COL14A1: variants seen among roughly 807,000 people sequenced by gnomAD.
COL14A1 encodes collagen type XIV alpha 1 chain.
COL14A1 carries 136 observed loss-of-function variants against 230.3 expected under a neutral mutation model. The observed-to-expected ratio is 0.59, with a 90% confidence interval of 0.51 to 0.68. The LOEUF (loss-of-function observed/expected upper bound fraction) is 0.68. Ranked by LOEUF, COL14A1 falls within the 30% of genes least tolerant of loss-of-function variation. The probability of loss-of-function intolerance (pLI) is 0.00; values close to 1 mark genes in which losing one functional copy is unlikely to be tolerated. For missense variants in COL14A1, 1,976 were observed against 2,215.8 expected (o/e 0.89, Z 2.17); for synonymous variants, 792 against 784.1 (o/e 1.01, Z -0.17).
At chr8:120,229,721 C>T (rs1818209699) in intron 18 of COL14A1, among the ~76,000 whole-genome samples, 2 of 152,148 alleles carry the variant, frequency 1.3e-5, no homozygotes, top group African/African-American at 2.4e-5. Flanking sequence ...AGTTTACAGT[C>T]CCACCAACAG....
intron 40 of COL14A1, among the ~76,000 whole-genome samples, chr8:120,323,186 T>TC (rs1821519752): frequency 6.6e-6 from 1 of 152,226 alleles, no homozygotes; most frequent in Non-Finnish European, 1.5e-5. Flanking sequence ...AGCTTTTTTT[T>TC]CATATGTTTG....
chr8:120,126,185 TC>T (rs1304474018), intron 1 of COL14A1, among the ~76,000 whole-genome samples: 1 of 152,214 alleles, frequency 6.6e-6, no homozygotes, highest in Non-Finnish European at 1.5e-5. Context: ...CGGATAGGCA[TC>T]CGGGGCAGCT....
At chr8:120,339,939 G>A (rs1055277940) in intron 42 of COL14A1, among the ~76,000 whole-genome samples, 1 of 151,576 alleles carries the variant, frequency 6.6e-6, no homozygotes, top group Non-Finnish European at 1.5e-5. Context: ...TCAGGAGGCT[G>A]AGGCAGGAGA....
At chr8:120,255,866 T>G (rs189925833) in intron 23 of COL14A1, among the ~76,000 whole-genome samples, 107 of 152,154 alleles carry the variant, frequency 7.0e-4, no homozygotes, top group African/African-American at 2.3e-3. Flanking sequence ...CATGAACAAG[T>G]TCTTCAGCAT....
intron 14 of COL14A1, among the ~76,000 whole-genome samples, chr8:120,220,523 C>T (rs79137215): frequency 0.1 from 15,652 of 152,042 alleles, 1,564 homozygotes; most frequent in East Asian, 0.46. Context: ...CTGCCCACCT[C>T]GGCCTCCAAA....
At chr8:120,184,304 G>A (rs1816576825) in intron 5 of COL14A1, among the ~76,000 whole-genome samples, 1 of 151,210 alleles carries the variant, frequency 6.6e-6, no homozygotes, top group African/African-American at 2.4e-5. Flanking sequence ...GCCCAGGCTG[G>A]AGTGCAGTGG....
At chr8:120,320,428 A>C (rs1586860694) in intron 40 of COL14A1, among the ~76,000 whole-genome samples, 1 of 152,176 alleles carries the variant, frequency 6.6e-6, no homozygotes, top group African/African-American at 2.4e-5. Context: ...CACCAGAAGC[A>C]TGCTTCTAGA....
intron 19 of COL14A1, among the ~76,000 whole-genome samples, chr8:120,239,092 A>G (rs1818540258): frequency 6.6e-6 from 1 of 152,166 alleles, no homozygotes; most frequent in South Asian, 2.1e-4. Flanking sequence ...ATACACTCTT[A>G]ATTGTGGCCT....
intron 19 of COL14A1, among the ~76,000 whole-genome samples, chr8:120,238,067 A>G (rs1332482745): frequency 6.6e-6 from 1 of 152,264 alleles, no homozygotes; most frequent in South Asian, 2.1e-4. Flanking sequence ...GTGTCTCCCC[A>G]TCAGGAGGCA....
At chr8:120,328,046 G>A (rs912419314) in intron 40 of COL14A1, among the ~76,000 whole-genome samples, 3 of 152,172 alleles carry the variant, frequency 2.0e-5, no homozygotes, top group African/African-American at 7.2e-5. Flanking sequence ...TTACAGGCAT[G>A]AGCCACTGCA....
At chr8:120,355,137 C>T (rs1027800374) in intron 45 of COL14A1, among the ~76,000 whole-genome samples, 15 of 152,156 alleles carry the variant, frequency 9.9e-5, no homozygotes, top group African/African-American at 2.4e-4. Flanking sequence ...GCTTTTCTGA[C>T]GTCAACTCAC....
intron 22 of COL14A1, 98 bp from the exon 23 acceptor site, chr8:120,255,142 A>G: frequency 1.2e-6 from 1 of 856,692 alleles, no homozygotes; most frequent in South Asian, 1.4e-5. Flanking sequence ...CTGACTATGC[A>G]GCTTTGAATG....
chr8:120,216,478 T>A lies in COL14A1; in HGVS notation c.1725T>A (p.Thr575=), dbSNP rs1296108766. Residue 575 remains threonine, a synonymous_variant, in exon 14 of 48, where the codon ACT becomes ACA. Coordinates refer to ENST00000297848, the MANE Select transcript of COL14A1 (RefSeq NM_021110.4). ...YRIVYNNADG[T]EINEVEVDPI... is the part of the protein sequence containing the mutation. Reference sequence around the variant, plus strand: ...TTGTATATAACAATGCAGATGGGACTGAAATCAATGAGGTAAGTTCCGGGA... The same window carrying A: ...TTGTATATAACAATGCAGATGGGACAGAAATCAATGAGGTAAGTTCCGGGA... The A allele has an allele frequency of 6.2e-7, 1 of 1,607,552 alleles. No homozygotes were observed. The highest frequency in any genetic ancestry group is 8.5e-7 in the Non-Finnish European group (1 of 1,178,418).
At chr8:120,325,161 A>G (rs1291668620) in intron 40 of COL14A1, among the ~76,000 whole-genome samples, 1 of 152,232 alleles carries the variant, frequency 6.6e-6, no homozygotes, top group East Asian at 1.9e-4. Flanking sequence ...CTGATAAATC[A>G]TAGCCAACCA....
At position 120,298,689 on chromosome 8, in the gene COL14A1, G is replaced by A. The variant is rs1302494557; in HGVS notation, c.4314+1101G>A. On this transcript the variant is annotated intron_variant, in intron 35 of 47. Transcript: ENST00000297848. Reference sequence around the variant, plus strand: ...GATCCTAGGACAAGTAAGCTGGCACGGACAACCATGTCATGGTTGGGCAGT... The same window carrying A: ...GATCCTAGGACAAGTAAGCTGGCACAGACAACCATGTCATGGTTGGGCAGT... 7.4e-5 allele frequency among the ~76,000 whole-genome samples: 10 copies of A among 134,630 alleles called. No homozygotes were observed. The East Asian group carries it at 1.4e-3, about 19-fold the overall frequency. 88.3% of individuals were successfully genotyped at this position (134,630 alleles called of 152,430 possible). A position where few individuals can be genotyped will look rare whatever the true frequency, so the allele number is the denominator to read the frequency against.
At chr8:120,289,354 G>A (rs907669329) in intron 33 of COL14A1, among the ~76,000 whole-genome samples, 7 of 152,168 alleles carry the variant, frequency 4.6e-5, no homozygotes, top group Non-Finnish European at 8.8e-5. Flanking sequence ...GAGTTAGGCC[G>A]GACTTTAAAA....
rs775586506 is a variant in COL14A1 at position 120,227,368 on chromosome 8, G to T, written c.2137+16G>T. ...GGGACCACACGTAAGTCTTGGTCTG[G>T]CCACAGTGCGTTTTAGCTGCTCCCA... On this transcript the variant is annotated intron_variant, in intron 17 of 47. Coordinates refer to ENST00000297848, the MANE Select transcript of COL14A1 (RefSeq NM_021110.4). 1 of 1,612,646 alleles carries T rather than the reference G, an allele frequency of 6.2e-7. No individual in the cohort carries two copies. The highest frequency in any genetic ancestry group is 8.5e-7 in the Non-Finnish European group (1 of 1,179,860).
chr8:120,253,362 C>A (rs1373040400), intron 22 of COL14A1, among the ~76,000 whole-genome samples: 9 of 152,112 alleles, frequency 5.9e-5, no homozygotes, highest in African/African-American at 2.2e-4. Flanking sequence ...CTTTTTCCAT[C>A]CTCTTTTCTC....
intron 5 of COL14A1, among the ~76,000 whole-genome samples, chr8:120,180,494 G>C (rs1228295238): frequency 6.6e-6 from 1 of 152,116 alleles, no homozygotes; most frequent in Non-Finnish European, 1.5e-5. Context: ...AATTGTACTG[G>C]CTCATGTAAC....
Sources: gnomAD v4.1 joint callset for allele counts (sites outside exome capture counted in the v4.1 genomes callset) on GRCh38, gnomAD v4.1.1 for gene constraint, MANE v1.5 for transcripts, NCBI Gene and HGNC (gene_info 2026-07-23, HGNC 2026-07-21) for gene names.